Variants in PLXNA2 observed in about 807,000 individuals in gnomAD.
PLXNA2 encodes plexin A2.
Under a neutral mutation model 193.5 loss-of-function variants are expected in PLXNA2, and 91 were observed. The observed-to-expected ratio is 0.47, with a 90% CI of 0.40 to 0.56. The LOEUF (loss-of-function observed/expected upper bound fraction) is 0.56, where lower values mean the gene tolerates loss of function less well. Among genes scored for constraint, PLXNA2 ranks in the 20% least tolerant of loss-of-function variants. The probability of loss-of-function intolerance (pLI) is 0.00; values close to 1 mark genes in which losing one functional copy is unlikely to be tolerated. For missense variants in PLXNA2, 1,995 were observed against 2,503.2 expected (o/e 0.80, Z 4.33); for synonymous variants, 997 against 1,027.3 (o/e 0.97, Z 0.56).
intron 29 of PLXNA2, chr1:208,029,911 A>C (rs1471802413): frequency 2.6e-5 from 26 of 984,772 alleles, no homozygotes; most frequent in Non-Finnish European, 3.1e-5. Flanking sequence ...AACTCTTTTG[A>C]CTCCTCTGTG....
At chr1:208,125,209 C>T (rs1170896094) in intron 4 of PLXNA2, among the ~76,000 whole-genome samples, 8 of 152,240 alleles carry the variant, frequency 5.3e-5, no homozygotes, top group South Asian at 2.1e-4. Context: ...TCATTAAATC[C>T]GGGAGGTGAG....
At chr1:208,029,189 A>G in intron 29 of PLXNA2, 147 bp from the exon 30 acceptor site, 1 of 1,449,768 alleles carries the variant, frequency 6.9e-7, no homozygotes, top group Non-Finnish European at 9.1e-7. Flanking sequence ...AGCCAGGGTT[A>G]ATTTAGCCAA....
In PLXNA2 at chr1:208,242,756, C is replaced by T. The variant is rs191758333; in HGVS notation, c.-81+887G>A. Among the ~76,000 whole-genome samples, 3 of 152,178 alleles carry T rather than the reference C, an allele frequency of 2.0e-5. No homozygotes were observed. The East Asian group carries it at 5.8e-4, about 29-fold the overall frequency. On this transcript the variant is annotated intron_variant, in intron 1 of 31. Coordinates refer to ENST00000367033, the MANE Select transcript of PLXNA2 (RefSeq NM_025179.4). ...TCATTCCAAACAGGTGGACTTTTTT[C>T]GGGGATCTAAAATGGTAGTTTCTGG...
Position 208,133,018 on chromosome 1 carries a change from G to A in PLXNA2, c.1506+9311C>T, listed in dbSNP as rs572086204. ...AATCATTGTCTGCTTCTCCACATTC[G>A]GCTTGGTATACCCTTTCTTCTCCGG... On this transcript the variant is annotated intron_variant, in intron 4 of 31. Transcript: ENST00000367033. Among the ~76,000 whole-genome samples the A allele has an allele frequency of 4.6e-5, 7 of 152,202 alleles. No individual in the cohort carries two copies. The South Asian group carries it at 1.0e-3, about 23-fold the overall frequency.
At chr1:208,122,108 T>C (rs1446472926) in intron 4 of PLXNA2, among the ~76,000 whole-genome samples, 1 of 152,132 alleles carries the variant, frequency 6.6e-6, no homozygotes, top group African/African-American at 2.4e-5. Flanking sequence ...GAGTTAAAAA[T>C]GACAAACAGA....
intron 3 of PLXNA2, among the ~76,000 whole-genome samples, chr1:208,201,974 T>A (rs1442261805): frequency 6.8e-3 from 75 of 10,962 alleles, no homozygotes; most frequent in South Asian, 0.017. Context: ...AGGGCAAGAA[T>A]TTTTTTTTTT....
chr1:208,045,784 G>T, intron 18 of PLXNA2, 94 bp downstream of exon 18: 1 of 1,476,084 alleles, frequency 6.8e-7, no homozygotes, highest in Non-Finnish European at 9.3e-7. Flanking sequence ...GCATAGAAAG[G>T]AGAGCCAGAA....
Position 208,217,802 on chromosome 1 carries a change from A to T in PLXNA2, c.121T>A (p.Phe41Ile). The change falls in exon 2 of 32, where the codon TTC becomes ATC. Residue 41 changes from phenylalanine to isoleucine, a missense_variant. Coordinates refer to ENST00000367033, the MANE Select transcript of PLXNA2 (RefSeq NM_025179.4). The surrounding 1 kb of genome is among the most constrained non-coding windows in gnomAD (Gnocchi z 4.7). The part of the protein sequence containing the change: ...PAAGMPQFST[F>I]HSENRDWTFN... ...GTCCAGTCACGATTCTCAGAGTGGA[A>T]GGTGCTGAACTGAGGCATGCCGGCT... The T allele has an allele frequency of 6.2e-7, 1 of 1,614,172 alleles. No individual in the cohort carries two copies. The highest frequency in any genetic ancestry group is 8.5e-7 in the Non-Finnish European group (1 of 1,180,028).
At position 208,103,041 on chromosome 1, in the gene PLXNA2, G is replaced by A. The variant is rs1385362624; in HGVS notation, c.1607+106C>T. ...AAGCCACGATTAGAATTACTGCTCT[G>A]AAGAGGACAATTCCTCTCTCTGCAA... On this transcript the variant is annotated intron_variant, in intron 5 of 31. Transcript: ENST00000367033. 4.2e-6 allele frequency: 3 copies of A among 721,460 alleles called. No homozygotes were observed. The African/African-American group carries it at 7.1e-5, about 17-fold the overall frequency. 44.7% of individuals were successfully genotyped at this position (721,460 alleles called of 1,614,324 possible). A position where few individuals can be genotyped will look rare whatever the true frequency, so the allele number is the denominator to read the frequency against.
chr1:208,196,005 G>A (rs7521091), intron 3 of PLXNA2, among the ~76,000 whole-genome samples: 59,122 of 151,548 alleles, frequency 0.39, 11,721 homozygotes, highest in Middle Eastern at 0.44. Flanking sequence ...GGGGAGTCTA[G>A]TTTTGGGGTT....
At chr1:208,109,588 T>C (rs910081751) in intron 4 of PLXNA2, among the ~76,000 whole-genome samples, 4 of 152,148 alleles carry the variant, frequency 2.6e-5, no homozygotes, top group African/African-American at 7.2e-5. Flanking sequence ...AGAGGACAGG[T>C]ATTGTTATGT....
chr1:208,039,831 T>C, intron 23 of PLXNA2, 64 bp from the exon 24 acceptor site: 1 of 1,610,264 alleles, frequency 6.2e-7, no homozygotes, highest in Non-Finnish European at 8.5e-7. Flanking sequence ...GTTTTCCCTT[T>C]CCTCTCTCGG....
At chr1:208,211,521 G>T (rs1425659404) in intron 2 of PLXNA2, among the ~76,000 whole-genome samples, 1 of 152,030 alleles carries the variant, frequency 6.6e-6, no homozygotes, top group African/African-American at 2.4e-5. Context: ...GTGAAACCCT[G>T]TCTCTACTAA....
Position 208,038,583 on chromosome 1 carries a change from C to G in PLXNA2, c.4661-109G>C. On this transcript the variant is annotated intron_variant, in intron 25 of 31. Coordinates refer to ENST00000367033, the MANE Select transcript of PLXNA2 (RefSeq NM_025179.4). The surrounding 1 kb of genome is among the most constrained non-coding windows in gnomAD (Gnocchi z 4.1). The stretch of plus-strand genomic sequence containing the variant: ...GACCTGGCAACCCGGCCCCCTCAAG[C>G]TGGTACCAATAACAGAGGCTAGAGA... 1.1e-6 allele frequency: 1 copy of G among 920,726 alleles called. No individual in the cohort carries two copies. The highest frequency in any genetic ancestry group is 1.4e-5 in the South Asian group (1 of 71,064). The allele number at this position is 920,726 out of a possible 1,614,324, so 57.0% of individuals were successfully genotyped here. A position where few individuals can be genotyped will look rare whatever the true frequency, so the allele number is the denominator to read the frequency against.
Position 208,216,742 on chromosome 1 carries a change from G to C in PLXNA2, c.1181C>G (p.Thr394Ser). ...NWLLGKDVQCTKAPVPIDDNF... is the reference protein window; with the variant it reads ...NWLLGKDVQCSKAPVPIDDNF... The stretch of plus-strand genomic sequence containing the variant: ...AGGTGTGTGCCTCCTTACCGCCTTG[G>C]TGCACTGGACGTCCTTCCCCAGCAG... The change falls in exon 2 of 32, where the codon ACC becomes AGC. Residue 394 changes from threonine (T) to serine (S), a missense_variant. Coordinates refer to ENST00000367033, the MANE Select transcript of PLXNA2 (RefSeq NM_025179.4). 6.2e-7 allele frequency: 1 copy of C among 1,612,346 alleles called. No individual in the cohort carries two copies. Among genetic ancestry groups the C allele is most frequent in the Non-Finnish European group, 8.5e-7 (1 of 1,179,590 alleles).
intron 13 of PLXNA2, among the ~76,000 whole-genome samples, chr1:208,057,476 C>A (rs1665468637): frequency 6.6e-6 from 1 of 152,290 alleles, no homozygotes; most frequent in South Asian, 2.1e-4. Context: ...AAAGGCTGAG[C>A]TGGGTTCCTC....
chr1:208,050,866 A>T, intron 17 of PLXNA2, 143 bp downstream of exon 17: 2 of 640,776 alleles, frequency 3.1e-6, no homozygotes, highest in Non-Finnish European at 5.6e-6. Context: ...TATTTGGACC[A>T]TGATTCCAGG....
At chr1:208,129,262 C>T (rs951568331) in intron 4 of PLXNA2, among the ~76,000 whole-genome samples, 1 of 152,188 alleles carries the variant, frequency 6.6e-6, no homozygotes, top group Non-Finnish European at 1.5e-5. Context: ...AGCACTGGAG[C>T]TCTGCCAGAG....
intron 5 of PLXNA2, among the ~76,000 whole-genome samples, chr1:208,100,695 G>C (rs1470608267): frequency 6.6e-6 from 1 of 152,148 alleles, no homozygotes; most frequent in African/African-American, 2.4e-5. Flanking sequence ...TTTGTGTCAC[G>C]AAATAATGCC....
Sources: allele counts gnomAD v4.1 joint callset (sites outside exome capture counted in the v4.1 genomes callset), GRCh38; gene constraint gnomAD v4.1.1; non-coding constraint Gnocchi (gnomAD v3.1); transcripts MANE v1.5; gene names NCBI Gene and HGNC (gene_info 2026-07-23, HGNC 2026-07-21).